The following ZC3H12B variants were observed in gnomAD, a reference collection of about 807,000 sequenced individuals.
ZC3H12B encodes probable ribonuclease ZC3H12B.
Under a neutral mutation model 43.9 loss-of-function variants are expected in ZC3H12B, and 7 were observed. The observed-to-expected ratio is 0.16, with a 90% CI of 0.09 to 0.30. The LOEUF is 0.30. Among genes scored for constraint, ZC3H12B ranks in the 10% least tolerant of loss-of-function variants. ZC3H12B has a pLI of 1.00. For missense variants in ZC3H12B, 475 were observed against 670.2 expected, an observed-to-expected ratio of 0.71 and a Z score of 3.22; for synonymous variants, 222 against 241.7, an observed-to-expected ratio of 0.92 and a Z score of 0.76.
chrX:65,209,587 C>T, the ZC3H12B span, among the ~76,000 whole-genome samples: 1 of 106,725 alleles, frequency 9.4e-6, no homozygotes, highest in Non-Finnish European at 1.9e-5. Context: ...CTGAGGAGAG[C>T]TTTACTTCCA....
chrX:65,348,948 T>C, the ZC3H12B span, among the ~76,000 whole-genome samples: 1 of 111,220 alleles, frequency 9.0e-6, no homozygotes, highest in Non-Finnish European at 1.9e-5. Flanking sequence ...ACTGTCAATG[T>C]TAGACAGATC....
At chrX:65,347,727 C>T in the ZC3H12B span, among the ~76,000 whole-genome samples, 1 of 112,277 alleles carries the variant, frequency 8.9e-6, no homozygotes, top group Non-Finnish European at 1.9e-5. Context: ...CCAGGCATCC[C>T]ATTACTGGGT....
the ZC3H12B span, among the ~76,000 whole-genome samples, chrX:65,155,172 G>C: frequency 7.3e-5 from 8 of 109,888 alleles, no homozygotes; most frequent in African/African-American, 2.7e-4. Context: ...TGCCCAGACT[G>C]GTCTTGAACT....
At chrX:65,207,497 G>A in the ZC3H12B span, among the ~76,000 whole-genome samples, 5 of 110,459 alleles carry the variant, frequency 4.5e-5, no homozygotes, top group African/African-American at 1.6e-4. Context: ...ATGGTGGGAA[G>A]GGAGTGAGGG....
chrX:65,111,096 C>A, the ZC3H12B span, among the ~76,000 whole-genome samples: 1 of 111,280 alleles, frequency 9.0e-6, no homozygotes, highest in African/African-American at 3.3e-5. Flanking sequence ...TGAGACCTTG[C>A]TGAATTCACT....
intron 4 of ZC3H12B, among the ~76,000 whole-genome samples, chrX:65,500,794 C>T (rs1251183496): frequency 9.1e-6 from 1 of 109,648 alleles, no homozygotes; most frequent in East Asian, 2.8e-4. Context: ...CATGCTCTTA[C>T]CCCAGTCCCT....
the ZC3H12B span, among the ~76,000 whole-genome samples, chrX:65,160,664 A>G: frequency 9.0e-6 from 1 of 110,956 alleles, no homozygotes; most frequent in African/African-American, 3.3e-5. Context: ...CTTCTTTATT[A>G]GTCTTGCTAA....
chrX:65,225,101 A>T, the ZC3H12B span, among the ~76,000 whole-genome samples: 1 of 111,931 alleles, frequency 8.9e-6, no homozygotes, highest in South Asian at 3.8e-4. Flanking sequence ...CTGACCCCCG[A>T]GCAGCCTAAC....
chrX:65,348,816 C>T, the ZC3H12B span, among the ~76,000 whole-genome samples: 1 of 111,308 alleles, frequency 9.0e-6, no homozygotes. Flanking sequence ...GCGAGAAGAG[C>T]TAACTACCCT....
At chrX:65,287,392 C>T in the ZC3H12B span, among the ~76,000 whole-genome samples, 1 of 111,440 alleles carries the variant, frequency 9.0e-6, no homozygotes, top group Non-Finnish European at 1.9e-5. Context: ...AATTGGGAAG[C>T]TATACAAGCA....
the ZC3H12B span, among the ~76,000 whole-genome samples, chrX:65,132,746 G>A: frequency 9.0e-6 from 1 of 111,568 alleles, no homozygotes; most frequent in Admixed American, 9.5e-5. Context: ...CAGTTATGGA[G>A]GCAAGGGAAA....
chrX:65,304,783 T>G, the ZC3H12B span, among the ~76,000 whole-genome samples: 1 of 111,206 alleles, frequency 9.0e-6, no homozygotes, highest in African/African-American at 3.3e-5. Context: ...AGACAAAAAT[T>G]TATTAGGTGC....
the ZC3H12B span, among the ~76,000 whole-genome samples, chrX:65,244,021 A>C: frequency 9.0e-6 from 1 of 111,665 alleles, no homozygotes; most frequent in Non-Finnish European, 1.9e-5. Flanking sequence ...GAGTACAAAA[A>C]TATAGTTAGA....
intron 3 of ZC3H12B, among the ~76,000 whole-genome samples, chrX:65,416,786 CAAA>C (rs57825587): frequency 1.2e-5 from 1 of 82,767 alleles, no homozygotes. Flanking sequence ...GAGACTCCGT[CAAA>C]AAAAAAAAAA....
the ZC3H12B span, among the ~76,000 whole-genome samples, chrX:65,056,370 G>A: frequency 3.6e-5 from 4 of 111,702 alleles, no homozygotes; most frequent in South Asian, 1.5e-3. Flanking sequence ...TCAGGAGCAG[G>A]TTGTTCAGTT....
At chrX:65,227,276 A>G in the ZC3H12B span, among the ~76,000 whole-genome samples, 3 of 111,770 alleles carry the variant, frequency 2.7e-5, no homozygotes, top group Non-Finnish European at 5.6e-5. Context: ...CTGCTCCTGA[A>G]TGACTACTGG....
chrX:65,429,114 C>T (rs1413669519), intron 3 of ZC3H12B, among the ~76,000 whole-genome samples: 1 of 112,306 alleles, frequency 8.9e-6, no homozygotes, highest in Non-Finnish European at 1.9e-5. Context: ...AAGATGGCAG[C>T]CTGCTCCTTC....
At chrX:65,188,299 A>G in the ZC3H12B span, among the ~76,000 whole-genome samples, 9 of 107,752 alleles carry the variant, frequency 8.4e-5, no homozygotes, top group African/African-American at 2.7e-4. Flanking sequence ...CAATATACTG[A>G]TTTCCTTTCT....
intron 2 of ZC3H12B, among the ~76,000 whole-genome samples, chrX:65,378,594 A>T (rs962654525): frequency 8.9e-5 from 10 of 112,348 alleles, no homozygotes; most frequent in African/African-American, 1.3e-4. Flanking sequence ...AAATGGCAGG[A>T]GTGGGGGAGG....
Sources: allele counts gnomAD v4.1 joint callset (sites outside exome capture counted in the v4.1 genomes callset), GRCh38; gene constraint gnomAD v4.1.1; transcripts MANE v1.5; gene names NCBI Gene and HGNC (gene_info 2026-07-23, HGNC 2026-07-21).